Variants in TRIM44 observed in about 807,000 individuals in gnomAD.
The protein encoded by TRIM44 is tripartite motif containing 44.
A neutral mutation model predicts 37.4 loss-of-function variants in TRIM44; 13 were observed. That is an observed-to-expected ratio of 0.35 (90% CI 0.23 to 0.55). The LOEUF is 0.55. TRIM44 is among the 20% of genes least tolerant of loss of function. The pLI, the probability that TRIM44 is intolerant of heterozygous loss-of-function variation, is 0.89. For synonymous variants in TRIM44, 175 were observed against 157.2 expected, an observed-to-expected ratio of 1.11 and a Z score of -0.85; for missense variants, 426 against 437.2, an observed-to-expected ratio of 0.97 and a Z score of 0.23.
At chr11:35,693,722 C>T (rs1205040744) in intron 2 of TRIM44, among the ~76,000 whole-genome samples, 4 of 152,128 alleles carry the variant, frequency 2.6e-5, no homozygotes, top group East Asian at 3.8e-4. Context: ...AGAGCCTCAG[C>T]ACCACCCTCA....
At chr11:35,678,151 A>G (rs1427313421) in intron 1 of TRIM44, among the ~76,000 whole-genome samples, 2 of 152,174 alleles carry the variant, frequency 1.3e-5, no homozygotes, top group African/African-American at 2.4e-5. Flanking sequence ...TTTGGGTTTT[A>G]TTCTAAGTAG....
intron 4 of TRIM44, among the ~76,000 whole-genome samples, chr11:35,771,384 A>G (rs1852867450): frequency 6.6e-6 from 1 of 152,260 alleles, no homozygotes; most frequent in South Asian, 2.1e-4. Flanking sequence ...GTGGAAAAAA[A>G]TTTCTAAGCA....
chr11:35,692,521 T>C (rs1377536179), intron 2 of TRIM44, among the ~76,000 whole-genome samples: 2 of 152,190 alleles, frequency 1.3e-5, no homozygotes, highest in Non-Finnish European at 2.9e-5. Context: ...TCTGAAATGC[T>C]TCAGTGAGCG....
chr11:35,690,948 G>A (rs1473660694), intron 2 of TRIM44, among the ~76,000 whole-genome samples: 1 of 152,194 alleles, frequency 6.6e-6, no homozygotes, highest in African/African-American at 2.4e-5. Flanking sequence ...TGGGTAAATA[G>A]ATGTATATAT....
Position 35,706,171 on chromosome 11 carries a change from A to G in TRIM44, c.748-19753A>G, listed in dbSNP as rs1180726856. 2.0e-5 allele frequency among the ~76,000 whole-genome samples: 3 copies of G among 149,202 alleles called. 1 individual carries two copies. The highest frequency in any genetic ancestry group is 4.5e-5 in the Non-Finnish European group (3 of 66,290). ...AAATTAGAAAATCTAGAAGAAATGG[A>G]TAAATTCCTTGACACATGCACCCTC... On this transcript the variant is annotated intron_variant, in intron 2 of 4. Transcript: ENST00000299413.
chr11:35,794,996 G>T (rs1016226064), intron 4 of TRIM44, among the ~76,000 whole-genome samples: 2 of 152,176 alleles, frequency 1.3e-5, no homozygotes, highest in African/African-American at 4.8e-5. Context: ...CCTGGTCCAG[G>T]ACAGCATCTG....
chr11:35,710,849 G>A (rs1376080005), intron 2 of TRIM44, among the ~76,000 whole-genome samples: 1 of 152,090 alleles, frequency 6.6e-6, no homozygotes, highest in Non-Finnish European at 1.5e-5. Flanking sequence ...CCAAAGAGGC[G>A]TATTTTGGGA....
chr11:35,679,944 C>T (rs535362789), intron 1 of TRIM44, among the ~76,000 whole-genome samples: 8 of 152,276 alleles, frequency 5.3e-5, no homozygotes, highest in African/African-American at 1.9e-4. Context: ...ACCTAGGTCT[C>T]CTTTCTCTTT....
At chr11:35,678,068 T>G (rs1851479446) in intron 1 of TRIM44, among the ~76,000 whole-genome samples, 1 of 151,938 alleles carries the variant, frequency 6.6e-6, no homozygotes, top group African/African-American at 2.4e-5. Context: ...ATGGCTGGAG[T>G]ATAATCAGTA....
At chr11:35,800,329 A>T (rs2133883049) in intron 4 of TRIM44, among the ~76,000 whole-genome samples, 1 of 152,292 alleles carries the variant, frequency 6.6e-6, no homozygotes, top group Admixed American at 6.5e-5. Context: ...CATGCTGTGG[A>T]AGGGGACCCG....
At position 35,735,428 on chromosome 11, in the gene TRIM44, C is replaced by A. The variant is rs371369046; in HGVS notation, c.990C>A (p.Gly330=). 6.2e-7 allele frequency: 1 copy of A among 1,613,520 alleles called. No individual in the cohort carries two copies. Among genetic ancestry groups the A allele is most frequent in the Non-Finnish European group, 8.5e-7 (1 of 1,179,624 alleles). Residue 330 remains glycine (G), a splice_region_variant and synonymous_variant, in exon 4 of 5, where the codon GGC becomes GGA. Coordinates refer to ENST00000299413, the MANE Select transcript of TRIM44 (RefSeq NM_017583.6). Reference sequence around the variant, plus strand: ...GTTTCTTTCTGTTTGTCTTTCAGGGCGATGAGGAAGGACCCAGGTAAGATC... The same window carrying A: ...GTTTCTTTCTGTTTGTCTTTCAGGGAGATGAGGAAGGACCCAGGTAAGATC... ...SNESAEPKAE[G]DEEGPSGASE... is the part of the protein sequence containing the mutation.
At chr11:35,686,178 T>C (rs945336089) in intron 2 of TRIM44, among the ~76,000 whole-genome samples, 3 of 152,142 alleles carry the variant, frequency 2.0e-5, no homozygotes, top group Non-Finnish European at 2.9e-5. Flanking sequence ...AGGATTGATA[T>C]TCTGGGAGAC....
chr11:35,672,745 A>G (rs1332242811), intron 1 of TRIM44, among the ~76,000 whole-genome samples: 1 of 152,178 alleles, frequency 6.6e-6, no homozygotes, highest in Non-Finnish European at 1.5e-5. Context: ...AGCCCATAGA[A>G]GAAGCTCTGA....
chr11:35,710,291 T>A (rs1564968964), intron 2 of TRIM44, among the ~76,000 whole-genome samples: 1 of 152,166 alleles, frequency 6.6e-6, no homozygotes, highest in Non-Finnish European at 1.5e-5. Context: ...TCACCTAAGG[T>A]TATCTCTTAT....
intron 2 of TRIM44, among the ~76,000 whole-genome samples, chr11:35,722,357 G>C (rs1160963467): frequency 6.6e-6 from 1 of 152,158 alleles, no homozygotes; most frequent in East Asian, 1.9e-4. Context: ...CCCCAGAGAG[G>C]GTTCTTGGAT....
chr11:35,733,008 T>C (rs1435815680), intron 3 of TRIM44, among the ~76,000 whole-genome samples: 1 of 152,214 alleles, frequency 6.6e-6, no homozygotes, highest in Non-Finnish European at 1.5e-5. Flanking sequence ...AGAAATGTTA[T>C]TAATTAACAA....
intron 4 of TRIM44, among the ~76,000 whole-genome samples, chr11:35,743,264 A>G (rs1454747670): frequency 6.6e-6 from 1 of 152,160 alleles, no homozygotes; most frequent in African/African-American, 2.4e-5. Flanking sequence ...TCCAGCTTGT[A>G]AAGGGTGAAG....
At chr11:35,780,142 G>A (rs936555331) in intron 4 of TRIM44, among the ~76,000 whole-genome samples, 4 of 151,896 alleles carry the variant, frequency 2.6e-5, no homozygotes, top group African/African-American at 9.7e-5. Context: ...AAATTCTGAG[G>A]ACCACAGATT....
At chr11:35,735,927 G>GA (rs993722229) in intron 4 of TRIM44, among the ~76,000 whole-genome samples, 27 of 148,768 alleles carry the variant, frequency 1.8e-4, no homozygotes, top group African/African-American at 2.7e-4. Flanking sequence ...CTTTGTTTAG[G>GA]AAAAAAAAAA....
Sources: allele counts gnomAD v4.1 joint callset (sites outside exome capture counted in the v4.1 genomes callset), GRCh38; gene constraint gnomAD v4.1.1; transcripts MANE v1.5; gene names NCBI Gene and HGNC (gene_info 2026-07-23, HGNC 2026-07-21).